GPC5: variants seen among roughly 807,000 people sequenced by gnomAD.
GPC5 encodes the protein glypican 5, also known as glypican-5.
In GPC5, 47 loss-of-function variants were observed where a neutral mutation model predicts 53.9. The observed-to-expected ratio is 0.87, with a 90% CI of 0.69 to 1.11. The LOEUF is 1.11. GPC5 is among the 50% of genes most tolerant of loss of function. GPC5 has a pLI of 0.00. For missense variants in GPC5, 748 were observed against 713.1 expected (o/e 1.05, Z -0.56); for synonymous variants, 286 against 263.3 (o/e 1.09, Z -0.84).
At chr13:91,628,239 T>G (rs183306123) in intron 2 of GPC5, among the ~76,000 whole-genome samples, 86 of 141,954 alleles carry the variant, frequency 6.1e-4, no homozygotes, top group African/African-American at 2.0e-3. Flanking sequence ...CCTATTTAAG[T>G]GCTTTGTCCT....
At chr13:91,610,303 T>G (rs1270512187) in intron 2 of GPC5, among the ~76,000 whole-genome samples, 3 of 152,252 alleles carry the variant, frequency 2.0e-5, no homozygotes, top group Non-Finnish European at 4.4e-5. Flanking sequence ...AAAGAATTTA[T>G]TGCTTGCTTT....
At chr13:92,715,044 G>A (rs543710454) in intron 7 of GPC5, among the ~76,000 whole-genome samples, 3 of 152,256 alleles carry the variant, frequency 2.0e-5, no homozygotes, top group East Asian at 1.9e-4. Context: ...CAGCCTGGAC[G>A]ACAGAGCAAG....
At chr13:92,862,351 A>G (rs1038125238) in intron 7 of GPC5, among the ~76,000 whole-genome samples, 2 of 152,120 alleles carry the variant, frequency 1.3e-5, no homozygotes, top group Admixed American at 6.6e-5. Flanking sequence ...ATATTTTTTG[A>G]GGTGTCATGA....
chr13:91,542,218 A>G (rs1459466224), intron 2 of GPC5, among the ~76,000 whole-genome samples: 2 of 152,218 alleles, frequency 1.3e-5, no homozygotes, highest in Non-Finnish European at 1.5e-5. Context: ...TATCAAAATT[A>G]CATGCATTGG....
intron 7 of GPC5, among the ~76,000 whole-genome samples, chr13:92,692,273 C>A (rs1476024608): frequency 6.6e-6 from 1 of 151,972 alleles, no homozygotes. Flanking sequence ...ATCCAGTTCA[C>A]CGATGAGGGA....
intron 7 of GPC5, among the ~76,000 whole-genome samples, chr13:92,669,101 G>A (rs1205823085): frequency 6.6e-6 from 1 of 151,996 alleles, no homozygotes; most frequent in Non-Finnish European, 1.5e-5. Context: ...TATATGCTCA[G>A]TAAGTTTAAT....
intron 7 of GPC5, among the ~76,000 whole-genome samples, chr13:92,771,593 T>C (rs1462917444): frequency 2.6e-5 from 4 of 152,126 alleles, no homozygotes; most frequent in African/African-American, 7.2e-5. Flanking sequence ...TCCACCTGCC[T>C]CGGCCTCCCA....
intron 5 of GPC5, among the ~76,000 whole-genome samples, chr13:91,862,307 C>T (rs1164672286): frequency 2.0e-5 from 3 of 152,114 alleles, no homozygotes; most frequent in South Asian, 2.1e-4. Context: ...AGAAATGAAC[C>T]TGATGCTCTG....
intron 2 of GPC5, among the ~76,000 whole-genome samples, chr13:91,508,722 C>G (rs1885080367): frequency 6.6e-6 from 1 of 152,156 alleles, no homozygotes; most frequent in Non-Finnish European, 1.5e-5. Context: ...AAACATATAT[C>G]TAATTCAGTT....
At chr13:92,207,223 G>C (rs914575070) in intron 7 of GPC5, among the ~76,000 whole-genome samples, 5 of 152,112 alleles carry the variant, frequency 3.3e-5, no homozygotes, top group African/African-American at 1.2e-4. Context: ...GAGCTAGAAA[G>C]CTGGTGGATT....
At chr13:92,192,004 G>A (rs1219464602) in intron 7 of GPC5, among the ~76,000 whole-genome samples, 1 of 152,076 alleles carries the variant, frequency 6.6e-6, no homozygotes, top group African/African-American at 2.4e-5. Flanking sequence ...TGTAAATTAG[G>A]GACTGTCTGT....
chr13:92,378,034 T>G (rs956062203), intron 7 of GPC5, among the ~76,000 whole-genome samples: 2 of 152,138 alleles, frequency 1.3e-5, no homozygotes, highest in African/African-American at 4.8e-5. Context: ...TACCATATCT[T>G]TTTCTCTTTC....
Position 92,184,218 on chromosome 13 carries a change from A to G in GPC5, c.1561+39229A>G, listed in dbSNP as rs139653151. 5.7e-3 allele frequency among the ~76,000 whole-genome samples: 868 copies of G among 152,188 alleles called. 13 individuals are homozygous for G. Among genetic ancestry groups the G allele is most frequent in the African/African-American group, 0.02 (819 of 41,502 alleles). On this transcript the variant is annotated intron_variant, in intron 7 of 7. Transcript: ENST00000377067. Reference sequence around the variant, plus strand: ...AATGATCATGTTAGCTTGTTCTAAAACTCCATAAGAAATCTCTCATTAATT... The same window carrying G: ...AATGATCATGTTAGCTTGTTCTAAAGCTCCATAAGAAATCTCTCATTAATT...
At chr13:92,073,426 C>G (rs1328940533) in intron 6 of GPC5, among the ~76,000 whole-genome samples, 2 of 152,152 alleles carry the variant, frequency 1.3e-5, no homozygotes, top group Admixed American at 1.3e-4. Context: ...TTCAGGGTTT[C>G]CAAGGCATTA....
chr13:92,569,289 C>T (rs1281084842), intron 7 of GPC5, among the ~76,000 whole-genome samples: 1 of 151,864 alleles, frequency 6.6e-6, no homozygotes, highest in Non-Finnish European at 1.5e-5. Context: ...ACACTGTCCT[C>T]CTGTAGGTAC....
chr13:92,364,463 G>A (rs1171983154), intron 7 of GPC5, among the ~76,000 whole-genome samples: 1 of 151,822 alleles, frequency 6.6e-6, no homozygotes, highest in African/African-American at 2.4e-5. Flanking sequence ...AGGCGCGGTG[G>A]CTTACGCCTG....
At chr13:92,274,374 T>C (rs978092331) in intron 7 of GPC5, among the ~76,000 whole-genome samples, 49 of 152,284 alleles carry the variant, frequency 3.2e-4, no homozygotes, top group African/African-American at 1.0e-3. Flanking sequence ...TATTTTCATT[T>C]GTTGTGTCCT....
In GPC5 at chr13:91,610,493, G is replaced by T. The variant is rs186818446; in HGVS notation, c.326-82694G>T. ...ATAGGCTATTAAGAAAAATGCATCGGCTTCTTCAAATGTGACAGTAGTTTT... is the reference window on the plus strand; with the variant it reads ...ATAGGCTATTAAGAAAAATGCATCGTCTTCTTCAAATGTGACAGTAGTTTT... On this transcript the variant is annotated intron_variant, in intron 2 of 7. Transcript: ENST00000377067. Among the ~76,000 whole-genome samples, 19 of 152,256 alleles carry T rather than the reference G, an allele frequency of 1.2e-4. No individual in the cohort carries two copies. The East Asian group carries it at 2.1e-3, about 17-fold the overall frequency.
At chr13:92,797,785 T>TA (rs1566423256) in intron 7 of GPC5, among the ~76,000 whole-genome samples, 1 of 151,228 alleles carries the variant, frequency 6.6e-6, no homozygotes, top group African/African-American at 2.4e-5. Flanking sequence ...TATAGACAGA[T>TA]AGATCAATAG....
Sources: gnomAD v4.1 joint callset for allele counts (sites outside exome capture counted in the v4.1 genomes callset) on GRCh38, gnomAD v4.1.1 for gene constraint, MANE v1.5 for transcripts, NCBI Gene and HGNC (gene_info 2026-07-23, HGNC 2026-07-21) for gene names.